Variants in ECI2 observed in about 807,000 individuals in gnomAD.
ECI2 encodes the protein D3,D2-enoyl-CoA isomerase.
In ECI2, 27 loss-of-function variants were observed where a neutral mutation model predicts 38.4. That is an observed-to-expected ratio of 0.70 (90% confidence interval 0.52 to 0.97). The LOEUF (loss-of-function observed/expected upper bound fraction) is 0.97, where lower values mean the gene tolerates loss of function less well. Ranked by LOEUF, ECI2 falls within the 50% of genes least tolerant of loss-of-function variation. ECI2 has a pLI of 0.00. For synonymous variants in ECI2, 168 were observed against 172.0 expected (o/e 0.98, Z 0.18); for missense variants, 470 against 474.4 (o/e 0.99, Z 0.09).
chr6:4,126,368 T>C (rs1319541863), intron 5 of ECI2, 131 bp from the exon 6 acceptor site: 3 of 693,320 alleles, frequency 4.3e-6, no homozygotes, highest in Non-Finnish European at 7.2e-6. Context: ...TGCCCTAACT[T>C]ACAAACTAGT....
rs750306530 is a variant in ECI2 at position 4,135,519 on chromosome 6, C to T, written c.42G>A (p.Ser14=). 1 of 1,611,272 alleles carries T rather than the reference C, an allele frequency of 6.2e-7. No homozygotes were observed. Among genetic ancestry groups the T allele is most frequent in the Non-Finnish European group, 8.5e-7 (1 of 1,179,338 alleles). ...CGGGACTCCAAGCTTACCTCGGACA[C>T]GAACGCCGCGCCAGTCTCCAAGCCA... ...AYLAWRLARR[S]CPSSLQVTSF... Residue 14 remains serine, a synonymous_variant, in exon 1 of 10, where the codon TCG becomes TCA. Coordinates refer to ENST00000380118, the MANE Select transcript of ECI2 (RefSeq NM_206836.3).
chr6:4,133,301 A>G (rs1230876624), intron 2 of ECI2, among the ~76,000 whole-genome samples: 5 of 152,140 alleles, frequency 3.3e-5, no homozygotes, highest in African/African-American at 9.7e-5. Context: ...AAGGTCTACA[A>G]ATGTGAATAT....
chr6:4,135,339 C>A, intron 1 of ECI2, 172 bp downstream of exon 1: 1 of 1,470,508 alleles, frequency 6.8e-7, no homozygotes, highest in Non-Finnish European at 9.0e-7. Context: ...TGCAGGAGGG[C>A]GCGCGTGAGG....
At chr6:4,135,441 G>C in intron 1 of ECI2, 70 bp downstream of exon 1, 1 of 1,608,038 alleles carries the variant, frequency 6.2e-7, no homozygotes, top group Non-Finnish European at 8.5e-7. Context: ...TTCCAACGGC[G>C]GCGACCTTCG....
Position 4,131,412 on chromosome 6 carries a change from G to A in ECI2, c.214-547C>T, listed in dbSNP as rs192364423. Among the ~76,000 whole-genome samples, 1,308 of 152,248 alleles carry A rather than the reference G, an allele frequency of 8.6e-3. 7 individuals carry two copies. The highest frequency in any genetic ancestry group is 0.014 in the Non-Finnish European group (977 of 68,016). ...GAACATGTAAGTAAAAAGCAAAAAG[G>A]AATTAAATTTTATTTTTGAGGCTAG... On this transcript the variant is annotated intron_variant, in intron 2 of 9. Coordinates refer to ENST00000380118, the MANE Select transcript of ECI2 (RefSeq NM_206836.3).
At position 4,133,547 on chromosome 6, in the gene ECI2, A is replaced by G. The variant is rs1773589245; in HGVS notation, c.213+2T>C. On this transcript the variant is annotated splice_donor_variant, in intron 2 of 9. Coordinates refer to ENST00000380118, the MANE Select transcript of ECI2 (RefSeq NM_206836.3). LOFTEE classifies it high-confidence loss of function. ...AAATAACGTTCGACCGTAGGCATTT[A>G]CCTGCTTATATAGCGCGTAGAGTTT... 7 of 1,603,670 alleles carry G rather than the reference A, an allele frequency of 4.4e-6. No individual in the cohort carries two copies. The highest frequency in any genetic ancestry group is 6.0e-6 in the Non-Finnish European group (7 of 1,176,388).
rs1444188267 is a variant in ECI2 at position 4,130,421 on chromosome 6, G to T, written c.452C>A (p.Thr151Lys). Residue 151 changes from threonine to lysine, a missense_variant, in exon 4 of 10, where the codon ACA (threonine) becomes AAA (lysine). Coordinates refer to ENST00000380118, the MANE Select transcript of ECI2 (RefSeq NM_206836.3). ...TLVVTSEDGI[T>K]KIMFNRPKKK... ...TTTGGGCCGGTTGAACATGATCTTT[G>T]TGATGCCATCTTCGGAGGTCACCAC... 8 of 1,614,078 alleles carry T rather than the reference G, an allele frequency of 5.0e-6. No homozygotes were observed. The highest frequency in any genetic ancestry group is 5.1e-6 in the Non-Finnish European group (6 of 1,180,042).
chr6:4,126,845 A>AC (rs1016112670), intron 5 of ECI2, among the ~76,000 whole-genome samples: 18 of 152,230 alleles, frequency 1.2e-4, no homozygotes, highest in African/African-American at 3.9e-4. Context: ...CAATAAAACA[A>AC]CCAGTTTTTA....
Position 4,126,167 on chromosome 6 carries a change from C to T in ECI2, c.642G>A (p.Glu214=), listed in dbSNP as rs752086744. 2.5e-6 allele frequency: 4 copies of T among 1,613,946 alleles called. No individual in the cohort carries two copies. In the East Asian group the frequency reaches 8.9e-5, roughly 36 times the overall value. The change falls in exon 6 of 10, where the codon GAG becomes GAA. Residue 214 remains glutamate (E), a synonymous_variant. Coordinates refer to ENST00000380118, the MANE Select transcript of ECI2 (RefSeq NM_206836.3). ...AAACGGCATTATTTTTAGCTTTCTC[C>T]TCTACTCCACCAGGGGGAATATCAG... is the stretch of plus-strand genomic sequence containing the variant. The part of the protein sequence containing the change: ...NFTDIPPGGV[E]EKAKNNAVLL...
rs572287263 is a variant in ECI2 at position 4,124,282 on chromosome 6, A to G, written c.795+968T>C. On this transcript the variant is annotated intron_variant, in intron 7 of 9. Transcript: ENST00000380118. ...ATTATTCATAAGAATTAGGTCTGTC[A>G]ATACATCCAATCTGGTTCAATGGAA... 2.6e-5 allele frequency among the ~76,000 whole-genome samples: 4 copies of G among 152,360 alleles called. No individual in the cohort carries two copies. The South Asian group carries it at 8.3e-4, about 32-fold the overall frequency.
At chr6:4,126,042 GAGA>G in intron 6 of ECI2, 90 bp downstream of exon 6, 1 of 978,164 alleles carries the variant, frequency 1.0e-6, no homozygotes, top group Non-Finnish European at 1.6e-6. Flanking sequence ...CACTGACACA[GAGA>G]AGCAGATATT....
chr6:4,125,074 T>G, intron 7 of ECI2, 176 bp downstream of exon 7: 1 of 1,078,128 alleles, frequency 9.3e-7, no homozygotes, highest in Non-Finnish European at 1.4e-6. Flanking sequence ...AAGTTAATAA[T>G]GAAGGAAAAA....
At chr6:4,123,952 C>A in intron 7 of ECI2, among the ~76,000 whole-genome samples, 1 of 150,992 alleles carries the variant, frequency 6.6e-6, no homozygotes. Context: ...CAGAGTGAGA[C>A]TCCCATCTCT....
intron 7 of ECI2, among the ~76,000 whole-genome samples, chr6:4,119,739 A>G (rs1772554598): frequency 6.6e-6 from 1 of 152,220 alleles, no homozygotes; most frequent in South Asian, 2.1e-4. Context: ...TTAAAAGTGT[A>G]TAGTTGGATG....
At position 4,130,775 on chromosome 6, in the gene ECI2, G is replaced by C. The variant is rs1208697937; in HGVS notation, c.304C>G (p.Leu102Val). 1 of 1,614,002 alleles carries C rather than the reference G, an allele frequency of 6.2e-7. No homozygotes were observed. Among genetic ancestry groups the C allele is most frequent in the Non-Finnish European group, 8.5e-7 (1 of 1,179,998 alleles). Residue 102 changes from leucine to valine, a missense_variant, in exon 3 of 10, where the codon CTG becomes GTG. Physicochemically the swap from Leu to Val is conservative, Grantham distance 32. Coordinates refer to ENST00000380118, the MANE Select transcript of ECI2 (RefSeq NM_206836.3). ...KWDAWNALGS[L>V]PKEAARQNYV... Reference sequence around the variant, plus strand: ...GTAACTAGTAAACTCACCTTGGGCAGGCTGCCAAGGGCATTCCATGCGTCC... The same window carrying C: ...GTAACTAGTAAACTCACCTTGGGCACGCTGCCAAGGGCATTCCATGCGTCC...
At chr6:4,123,259 C>T (rs1433941083) in intron 7 of ECI2, among the ~76,000 whole-genome samples, 2 of 151,866 alleles carry the variant, frequency 1.3e-5, no homozygotes, top group African/African-American at 2.4e-5. Flanking sequence ...TCACTGCAAC[C>T]TCTACCTCCT....
intron 2 of ECI2, among the ~76,000 whole-genome samples, chr6:4,131,868 A>G (rs1376277457): frequency 7.1e-6 from 1 of 140,606 alleles, no homozygotes; most frequent in Admixed American, 6.9e-5. Flanking sequence ...AAAAAACAAA[A>G]TAAAAACAAA....
At chr6:4,122,908 C>G (rs1374408292) in intron 7 of ECI2, among the ~76,000 whole-genome samples, 1 of 152,180 alleles carries the variant, frequency 6.6e-6, no homozygotes, top group East Asian at 1.9e-4. Flanking sequence ...AGTGACCACT[C>G]AAAGATTTAT....
intron 5 of ECI2, among the ~76,000 whole-genome samples, chr6:4,126,999 C>T (rs754200841): frequency 1.3e-5 from 2 of 152,194 alleles, no homozygotes; most frequent in Non-Finnish European, 1.5e-5. Flanking sequence ...AAGGCAATCA[C>T]TTTCTGACTT....
Sources: gnomAD v4.1 joint callset for allele counts (sites outside exome capture counted in the v4.1 genomes callset) on GRCh38, gnomAD v4.1.1 for gene constraint, MANE v1.5 for transcripts, NCBI Gene and HGNC (gene_info 2026-07-23, HGNC 2026-07-21) for gene names.